The following CLYBL variants were observed in gnomAD, a reference collection of about 807,000 sequenced individuals.
CLYBL encodes citramalyl-CoA lyase, mitochondrial.
A neutral mutation model predicts 38.9 loss-of-function variants in CLYBL; 31 were observed. The observed-to-expected ratio is 0.80, with a 90% CI of 0.60 to 1.08. CLYBL has a LOEUF of 1.08. Among genes scored for constraint, CLYBL ranks in the 50% least tolerant of loss-of-function variants. CLYBL has a pLI of 0.00. For missense variants in CLYBL, 434 were observed against 411.6 expected (o/e 1.05, Z -0.47); for synonymous variants, 171 against 158.6 (o/e 1.08, Z -0.59).
intron 1 of CLYBL, among the ~76,000 whole-genome samples, chr13:99,680,991 A>G (rs569923247): frequency 5.3e-5 from 8 of 152,372 alleles, no homozygotes; most frequent in African/African-American, 1.4e-4. Flanking sequence ...TGTCCTATAA[A>G]TTAAAATTTT....
intron 1 of CLYBL, among the ~76,000 whole-genome samples, chr13:99,659,230 G>T (rs2047375106): frequency 6.6e-6 from 1 of 151,072 alleles, no homozygotes; most frequent in Non-Finnish European, 1.5e-5. Flanking sequence ...ATATATATAT[G>T]TATATATATG....
At chr13:99,837,773 C>T (rs2050973753) in intron 2 of CLYBL, among the ~76,000 whole-genome samples, 1 of 152,132 alleles carries the variant, frequency 6.6e-6, no homozygotes. Flanking sequence ...CCCTGGCCGT[C>T]CAGCAGGGTC....
chr13:99,844,173 G>A (rs2051147337), intron 2 of CLYBL, among the ~76,000 whole-genome samples: 3 of 152,164 alleles, frequency 2.0e-5, no homozygotes, highest in Admixed American at 2.0e-4. Flanking sequence ...GACCCTCGAG[G>A]GTGTAAGGAA....
At chr13:99,611,696 T>C (rs772792819) in intron 1 of CLYBL, among the ~76,000 whole-genome samples, 4 of 152,240 alleles carry the variant, frequency 2.6e-5, no homozygotes, top group Non-Finnish European at 5.9e-5. Context: ...TGTGTAAATT[T>C]GGTAAGATTT....
intron 1 of CLYBL, among the ~76,000 whole-genome samples, chr13:99,680,226 A>AT (rs2047715550): frequency 1.3e-5 from 2 of 152,108 alleles, no homozygotes; most frequent in Admixed American, 1.3e-4. Flanking sequence ...TCTGACACCC[A>AT]TTTTTAATTT....
chr13:99,867,985 CT>C (rs1378265558), intron 6 of CLYBL, among the ~76,000 whole-genome samples: 1 of 152,016 alleles, frequency 6.6e-6, no homozygotes, highest in Non-Finnish European at 1.5e-5. Flanking sequence ...AGAAGACAGG[CT>C]ATTTCAAATC....
At chr13:99,659,138 C>T (rs1020588408) in intron 1 of CLYBL, among the ~76,000 whole-genome samples, 1 of 152,004 alleles carries the variant, frequency 6.6e-6, no homozygotes, top group African/African-American at 2.4e-5. Context: ...TGCTATTCAC[C>T]CTTGCATTTT....
chr13:99,834,310 C>T (rs1323947613), intron 2 of CLYBL, among the ~76,000 whole-genome samples: 1 of 152,194 alleles, frequency 6.6e-6, no homozygotes, highest in East Asian at 1.9e-4. Context: ...TATGCCAGGA[C>T]TCCTGGTGAG....
intron 2 of CLYBL, among the ~76,000 whole-genome samples, chr13:99,794,782 G>A (rs973791076): frequency 6.6e-6 from 1 of 151,820 alleles, no homozygotes; most frequent in African/African-American, 2.4e-5. Context: ...GGTAGAGGCA[G>A]GATTTCACCA....
intron 2 of CLYBL, among the ~76,000 whole-genome samples, chr13:99,783,328 C>T (rs2049702181): frequency 6.6e-6 from 1 of 152,076 alleles, no homozygotes; most frequent in Non-Finnish European, 1.5e-5. Context: ...CCGGTGTGAG[C>T]CGCCATGCCT....
intron 1 of CLYBL, among the ~76,000 whole-genome samples, chr13:99,743,501 A>T (rs117461950): frequency 0.015 from 2,254 of 152,348 alleles, 30 homozygotes; most frequent in South Asian, 0.036. Flanking sequence ...TATTCTGGCC[A>T]TTCATTAGTG....
intron 2 of CLYBL, among the ~76,000 whole-genome samples, chr13:99,836,266 G>T (rs1376012634): frequency 3.3e-5 from 5 of 151,892 alleles, no homozygotes; most frequent in Non-Finnish European, 7.3e-5. Flanking sequence ...AGATCTAGAA[G>T]ATGTCTCCCT....
intron 1 of CLYBL, among the ~76,000 whole-genome samples, chr13:99,679,152 G>A (rs1208670792): frequency 6.6e-6 from 1 of 151,872 alleles, no homozygotes; most frequent in African/African-American, 2.4e-5. Context: ...AAATTAGCCG[G>A]GTGTGGTGGC....
chr13:99,738,065 A>C (rs915650728), intron 1 of CLYBL, among the ~76,000 whole-genome samples: 2 of 152,242 alleles, frequency 1.3e-5, no homozygotes, highest in Admixed American at 1.3e-4. Context: ...AATGCCATGC[A>C]GTACTTAAGG....
intron 2 of CLYBL, 89 bp downstream of exon 2, chr13:99,773,099 T>C (rs1435457396): frequency 2.7e-6 from 3 of 1,095,654 alleles, no homozygotes; most frequent in Non-Finnish European, 4.0e-6. Context: ...TTTGGAAAGA[T>C]TCTACCACAC....
At chr13:99,877,827 C>CT (rs1013088765) in intron 7 of CLYBL, 3 of 163,632 alleles carry the variant, frequency 1.8e-5, no homozygotes, top group Admixed American at 6.2e-5. Context: ...CCACCTCCGC[C>CT]TCCCAAAGTG....
chr13:99,780,776 C>T (rs868792040), intron 2 of CLYBL, among the ~76,000 whole-genome samples: 4 of 143,208 alleles, frequency 2.8e-5, no homozygotes, highest in Admixed American at 1.4e-4. Context: ...TGCAATGGCA[C>T]GATCTTGGCT....
At chr13:99,747,312 C>A (rs571242530) in intron 1 of CLYBL, among the ~76,000 whole-genome samples, 1 of 150,374 alleles carries the variant, frequency 6.7e-6, no homozygotes, top group African/African-American at 2.5e-5. Flanking sequence ...CCTCAGCTGC[C>A]CCCCTTCTCC....
intron 6 of CLYBL, among the ~76,000 whole-genome samples, chr13:99,868,097 A>G (rs573066999): frequency 2.0e-4 from 31 of 152,062 alleles, no homozygotes; most frequent in South Asian, 1.0e-3. Context: ...CTAAAAAAAA[A>G]GGGGGGAAGC....
Sources: allele counts gnomAD v4.1 joint callset (sites outside exome capture counted in the v4.1 genomes callset), GRCh38; gene constraint gnomAD v4.1.1; transcripts MANE v1.5; gene names NCBI Gene and HGNC (gene_info 2026-07-23, HGNC 2026-07-21).